The following ABCC8 variants were observed in gnomAD, a reference collection of about 807,000 sequenced individuals.
ABCC8 encodes ATP-binding cassette sub-family C member 8.
Under a neutral mutation model 188.0 loss-of-function variants are expected in ABCC8, and 137 were observed. The observed-to-expected ratio is 0.73, with a 90% confidence interval of 0.63 to 0.84. The LOEUF is 0.84. ABCC8 is among the 40% of genes least tolerant of loss of function. The pLI, the probability that ABCC8 is intolerant of heterozygous loss-of-function variation, is 0.00. For synonymous variants in ABCC8, 797 were observed against 846.5 expected (o/e 0.94, Z 1.01); for missense variants, 1,750 against 2,072.7 (o/e 0.84, Z 3.02).
intron 24 of ABCC8, 80 bp from the exon 25 acceptor site, chr11:17,407,209 A>T: frequency 1.2e-6 from 2 of 1,602,298 alleles, no homozygotes; most frequent in Non-Finnish European, 1.7e-6. Flanking sequence ...ATCCCCACTT[A>T]CTGAGGGGAC....
rs934111328 is a variant in ABCC8, at chr11:17,397,873, G to A, written c.3754-76C>T. 3.9e-5 allele frequency: 61 copies of A among 1,571,924 alleles called. No homozygotes were observed. In the Middle Eastern group the frequency reaches 5.3e-4, roughly 14 times the overall value. On this transcript the variant is annotated intron_variant, in intron 30 of 38. Coordinates refer to ENST00000389817, the MANE Select transcript of ABCC8 (RefSeq NM_000352.6). ...CCCCTGTTCTACCTCACTCCTTTTCGGGGCAGAGAGCAGCTCAGCCAGGCC... is the reference window on the plus strand; with the variant it reads ...CCCCTGTTCTACCTCACTCCTTTTCAGGGCAGAGAGCAGCTCAGCCAGGCC...
intron 7 of ABCC8, 100 bp from the exon 8 acceptor site, chr11:17,448,771 G>T: frequency 1.3e-6 from 2 of 1,596,220 alleles, no homozygotes; most frequent in Non-Finnish European, 1.7e-6. Context: ...TTCTCAGACA[G>T]TCCCCATGGT....
chr11:17,464,449 T>C (rs1226087913), intron 3 of ABCC8, among the ~76,000 whole-genome samples: 2 of 152,208 alleles, frequency 1.3e-5, no homozygotes, highest in Non-Finnish European at 2.9e-5. Context: ...ACATAATAGC[T>C]GTGTGACCTT....
At chr11:17,470,013 G>A (rs1848390991) in intron 3 of ABCC8, 88 bp downstream of exon 3, 1 of 1,512,982 alleles carries the variant, frequency 6.6e-7, no homozygotes. Flanking sequence ...ACTGTTTAGA[G>A]CAATAGCTGG....
At chr11:17,413,846 C>T (rs901975110) in intron 19 of ABCC8, among the ~76,000 whole-genome samples, 1 of 152,092 alleles carries the variant, frequency 6.6e-6, no homozygotes, top group Non-Finnish European at 1.5e-5. Flanking sequence ...GATGGCTGGT[C>T]AAATATTTGC....
At chr11:17,468,448 C>G (rs1010614010) in intron 3 of ABCC8, among the ~76,000 whole-genome samples, 1 of 152,180 alleles carries the variant, frequency 6.6e-6, no homozygotes, top group African/African-American at 2.4e-5. Context: ...GGATTGATAC[C>G]TTTACCCCAA....
intron 17 of ABCC8, 120 bp from the exon 18 acceptor site, chr11:17,415,459 C>A (rs1955026522): frequency 1.9e-6 from 3 of 1,541,474 alleles, no homozygotes; most frequent in Non-Finnish European, 2.6e-6. Flanking sequence ...TGGACCCAGT[C>A]TGTAGCCACA....
chr11:17,475,152 C>G, intron 1 of ABCC8, 125 bp from the exon 2 acceptor site: 1 of 1,434,012 alleles, frequency 7.0e-7, no homozygotes. Flanking sequence ...CATGAGGATC[C>G]CCAAGGCTGG....
intron 35 of ABCC8, 144 bp downstream of exon 35, chr11:17,395,466 T>TGGGCCTGATGGGATGGAGAA: frequency 6.8e-7 from 1 of 1,460,862 alleles, no homozygotes; most frequent in Non-Finnish European, 9.2e-7. Flanking sequence ...AGAGGCTGCC[T>TGGGCCTGATGGGATGGAGAA]GGGCCTGATG....
chr11:17,476,696 A>C lies in ABCC8; in HGVS notation c.81T>G (p.Phe27Leu). 6.2e-7 allele frequency: 1 copy of C among 1,611,390 alleles called. No homozygotes were observed. The highest frequency in any genetic ancestry group is 8.5e-7 in the Non-Finnish European group (1 of 1,179,090). ...VDQGVLNNGC[F>L]VDALNVVPHV... ...GCGGCACCACGTTGAGCGCGTCCAC[A>C]AAGCAGCCGTTGTTGAGGACCCCCT... The change falls in exon 1 of 39, where the codon TTT (phenylalanine) becomes TTG (leucine). Residue 27 changes from phenylalanine to leucine, a missense_variant. Transcript: ENST00000389817.
At chr11:17,407,934 A>G (rs1292073446) in intron 23 of ABCC8, among the ~76,000 whole-genome samples, 1 of 152,124 alleles carries the variant, frequency 6.6e-6, no homozygotes, top group Non-Finnish European at 1.5e-5. Flanking sequence ...ATACCATGAG[A>G]ATGGAGCCAA....
chr11:17,401,068 G>T (rs1480771550), intron 29 of ABCC8, among the ~76,000 whole-genome samples: 1 of 152,200 alleles, frequency 6.6e-6, no homozygotes, highest in Non-Finnish European at 1.5e-5. Context: ...CTGATCTGAG[G>T]CTGTTTACAG....
chr11:17,397,123 C>T (rs865834758), intron 32 of ABCC8, 70 bp downstream of exon 32: 1 of 1,613,550 alleles, frequency 6.2e-7, no homozygotes, highest in Non-Finnish European at 8.5e-7. Context: ...TCCCCAGGCT[C>T]CCTTGTGGCC....
chr11:17,397,499 T>C, intron 31 of ABCC8, 185 bp downstream of exon 31: 1 of 1,412,616 alleles, frequency 7.1e-7, no homozygotes, highest in Non-Finnish European at 9.6e-7. Flanking sequence ...CTCCCCAACC[T>C]CCACCTGTCT....
chr11:17,444,861 T>C (rs1956463132), intron 8 of ABCC8, among the ~76,000 whole-genome samples: 1 of 152,190 alleles, frequency 6.6e-6, no homozygotes, highest in Non-Finnish European at 1.5e-5. Context: ...ATGGTGATTA[T>C]AATGCCCACT....
chr11:17,461,001 G>C, intron 5 of ABCC8: 1 of 420,430 alleles, frequency 2.4e-6, no homozygotes, highest in Non-Finnish European at 4.4e-6. Flanking sequence ...ACCTGCCACC[G>C]TGTCTGCCTC....
intron 29 of ABCC8, among the ~76,000 whole-genome samples, chr11:17,399,307 A>C (rs1954118301): frequency 6.7e-6 from 1 of 148,760 alleles, no homozygotes; most frequent in African/African-American, 2.5e-5. Context: ...AAAAAAAACA[A>C]ATAAAAAAGA....
At position 17,476,824 on chromosome 11, in the gene ABCC8, T is replaced by TCCGCGCGCCTG; in HGVS notation, c.-59_-49dup. 1.4e-6 allele frequency: 2 copies of TCCGCGCGCCTG among 1,450,930 alleles called. No individual in the cohort carries two copies. Among genetic ancestry groups the TCCGCGCGCCTG allele is most frequent in the Non-Finnish European group, 1.8e-6 (2 of 1,104,740 alleles). The allele number at this position is 1,450,930 out of a possible 1,614,324, so 89.9% of individuals were successfully genotyped here. A position where few individuals can be genotyped will look rare whatever the true frequency, so the allele number is the denominator to read the frequency against. On this transcript the variant is annotated 5_prime_UTR_variant, in exon 1 of 39. Coordinates refer to ENST00000389817, the MANE Select transcript of ABCC8 (RefSeq NM_000352.6). ...CTCGGGCTCAGCTGGCTCCGCTGGCTCCGCGCGCCTGCCGCGCCTCTGTCC... is the reference window on the plus strand; with the variant it reads ...CTCGGGCTCAGCTGGCTCCGCTGGCTCCGCGCGCCTGCCGCGCGCCTGCCGCGCCTCTGTCC...
At chr11:17,472,580 TCTC>T (rs1195084797) in intron 2 of ABCC8, among the ~76,000 whole-genome samples, 1 of 152,114 alleles carries the variant, frequency 6.6e-6, no homozygotes, top group African/African-American at 2.4e-5. Flanking sequence ...GTCTGTGACT[TCTC>T]CTGTCTGCTC....
Sources: allele counts gnomAD v4.1 joint callset (sites outside exome capture counted in the v4.1 genomes callset), GRCh38; gene constraint gnomAD v4.1.1; transcripts MANE v1.5; gene names NCBI Gene and HGNC (gene_info 2026-07-23, HGNC 2026-07-21).